SETD4: variants seen among roughly 807,000 people sequenced by gnomAD.
SETD4 encodes the protein SET domain containing 4, also known as SET domain-containing protein 4.
A neutral mutation model predicts 58.3 loss-of-function variants in SETD4; 46 were observed. That is an observed-to-expected ratio of 0.79 (90% confidence interval 0.62 to 1.01). The LOEUF (loss-of-function observed/expected upper bound fraction) is 1.01, where lower values mean the gene tolerates loss of function less well. SETD4 is among the 50% of genes least tolerant of loss of function. The pLI, the probability that SETD4 is intolerant of heterozygous loss-of-function variation, is 0.00. For synonymous variants in SETD4, 190 were observed against 202.6 expected (o/e 0.94, Z 0.53); for missense variants, 490 against 523.3 (o/e 0.94, Z 0.62).
intron 11 of SETD4, 31 bp from the exon 12 acceptor site, chr21:36,035,991 G>T: frequency 8.1e-7 from 1 of 1,233,100 alleles, no homozygotes; most frequent in Non-Finnish European, 1.2e-6. Flanking sequence ...AAAGGATTAA[G>T]TTCCTAATTG....
chr21:36,051,004 T>C lies in SETD4; in HGVS notation c.207+2579A>G. ...ATCCTGGGGATGGATGTGTGTGGCGTTGACCTGTTGATGAAAGATGGCAGC... is the reference window on the plus strand; with the variant it reads ...ATCCTGGGGATGGATGTGTGTGGCGCTGACCTGTTGATGAAAGATGGCAGC... On this transcript the variant is annotated intron_variant, in intron 4 of 11. Coordinates refer to ENST00000332131, the MANE Select transcript of SETD4 (RefSeq NM_017438.5). The C allele has an allele frequency of 1.9e-6, 3 of 1,583,372 alleles. No homozygotes were observed. In the Admixed American group the frequency reaches 5.0e-5, roughly 26 times the overall value.
At chr21:36,042,474 A>C (rs372496263) in intron 7 of SETD4, 1 of 152,242 alleles carries the variant, frequency 6.6e-6, no homozygotes, top group South Asian at 2.1e-4. Context: ...TATTAAATTT[A>C]TCAGGATTTT....
rs766125836 is a variant in SETD4 at position 36,036,146 on chromosome 21, G to A, written c.1294C>T (p.Leu432=). ...GTAAAAGCTGTTTGCAAACTGTGCA[G>A]GGTCTCGGCAGATGCCCTGAGAATC... ...LKILRASAET[L]HSLQTAFT Residue 432 remains leucine (L), a synonymous_variant, in exon 11 of 12, where the codon CTG becomes TTG. Coordinates refer to ENST00000332131, the MANE Select transcript of SETD4 (RefSeq NM_017438.5). 1 of 1,614,136 alleles carries A rather than the reference G, an allele frequency of 6.2e-7. No homozygotes were observed. Among genetic ancestry groups the A allele is most frequent in the South Asian group, 1.1e-5 (1 of 91,038 alleles).
chr21:36,048,449 T>C (rs990849341), intron 4 of SETD4, 53 bp from the exon 5 acceptor site: 3 of 1,509,016 alleles, frequency 2.0e-6, no homozygotes, highest in East Asian at 2.3e-5. Context: ...GAAGGACCCA[T>C]GAGTATGAGT....
intron 7 of SETD4, chr21:36,042,705 T>G (rs1266898665): frequency 1.3e-5 from 2 of 152,204 alleles, no homozygotes; most frequent in African/African-American, 2.4e-5. Flanking sequence ...GAAAACTGCT[T>G]CTCTACAGTT....
At chr21:36,042,187 T>C in intron 7 of SETD4, 1 of 185,428 alleles carries the variant, frequency 5.4e-6, no homozygotes, top group Non-Finnish European at 1.1e-5. Flanking sequence ...AGCATGACTG[T>C]TGAAAATTTA....
In SETD4 at chr21:36,043,802, G is replaced by T; in HGVS notation, c.881C>A (p.Ala294Asp). 1 of 1,614,164 alleles carries T rather than the reference G, an allele frequency of 6.2e-7. No homozygotes were observed. The highest frequency in any genetic ancestry group is 8.5e-7 in the Non-Finnish European group (1 of 1,180,026). ...CCAACCTCTTGAGACATAAACACAAGCATGAGGATTATGGACAGAAACAAA... is the reference window on the plus strand; with the variant it reads ...CCAACCTCTTGAGACATAAACACAATCATGAGGATTATGGACAGAAACAAA... ...YGFVSVHNPH[A>D]CVYVSREILV... The change falls in exon 7 of 12, where the codon GCT becomes GAT. Residue 294 changes from alanine (A) to aspartate (D), a missense_variant. Ala to Asp is a moderately radical substitution (Grantham distance 126). Transcript: ENST00000332131.
chr21:36,046,245 C>G (rs530892322), intron 5 of SETD4, among the ~76,000 whole-genome samples: 3 of 152,334 alleles, frequency 2.0e-5, no homozygotes, highest in East Asian at 3.9e-4. Flanking sequence ...AAAACTGACT[C>G]ACTAAGCCAA....
intron 1 of SETD4, chr21:36,060,128 C>A: frequency 1.0e-6 from 1 of 985,584 alleles, no homozygotes; most frequent in Non-Finnish European, 1.2e-6. Context: ...GGCTCCTCAG[C>A]TTTACGCAGC....
chr21:36,053,715 T>C, intron 3 of SETD4, 95 bp from the exon 4 acceptor site: 2 of 1,229,592 alleles, frequency 1.6e-6, no homozygotes, highest in South Asian at 2.5e-5. Flanking sequence ...AACTTCAAAA[T>C]TACACAAGGC....
chr21:36,040,528 T>C (rs2123540974), intron 9 of SETD4, 47 bp downstream of exon 9: 1 of 1,530,338 alleles, frequency 6.5e-7, no homozygotes, highest in East Asian at 2.3e-5. Context: ...TCCAAAGTTA[T>C]ATCTAGCCTG....
chr21:36,058,654 G>GT (rs1420004900), intron 2 of SETD4, among the ~76,000 whole-genome samples, 162 bp downstream of exon 2: 1 of 152,188 alleles, frequency 6.6e-6, no homozygotes, highest in Non-Finnish European at 1.5e-5. Flanking sequence ...GGAAGCAGAG[G>GT]TTGCAGTGAG....
intron 3 of SETD4, among the ~76,000 whole-genome samples, chr21:36,055,338 T>C (rs138298433): frequency 6.6e-6 from 1 of 152,226 alleles, no homozygotes; most frequent in Non-Finnish European, 1.5e-5. Context: ...ATATTGGATA[T>C]ACTAGGCAAA....
chr21:36,050,357 T>A lies in SETD4; in HGVS notation c.208-1961A>T, dbSNP rs2064596378. 5 of 1,613,250 alleles carry A rather than the reference T, an allele frequency of 3.1e-6. No homozygotes were observed. The South Asian group carries it at 4.4e-5, about 14-fold the overall frequency. On this transcript the variant is annotated intron_variant, in intron 4 of 11. Transcript: ENST00000332131. Reference sequence around the variant, plus strand: ...TGGACTTTAGGGCTGTGGTGATGGATGAGGTGGTGCTGACAATGGAGAAAG... The same window carrying A: ...TGGACTTTAGGGCTGTGGTGATGGAAGAGGTGGTGCTGACAATGGAGAAAG...
chr21:36,049,744 G>T (rs776406475), intron 4 of SETD4, among the ~76,000 whole-genome samples: 3 of 152,224 alleles, frequency 2.0e-5, no homozygotes, highest in Non-Finnish European at 2.9e-5. Flanking sequence ...ACTTCACTGT[G>T]CATTTCACTA....
rs202063062 is a variant in SETD4 at position 36,043,960 on chromosome 21, G to A, written c.727-4C>T. On this transcript the variant is annotated splice_polypyrimidine_tract_variant and splice_region_variant and intron_variant, in intron 6 of 11. Coordinates refer to ENST00000332131, the MANE Select transcript of SETD4 (RefSeq NM_017438.5). ...CTTCATTAAACGCTGCTTTTACCTA[G>A]AAAGAAAAACTGTTAAGGTATTTTT... 3.7e-6 allele frequency: 6 copies of A among 1,612,920 alleles called. No homozygotes were observed. In the African/African-American group the frequency reaches 6.7e-5, roughly 18 times the overall value.
chr21:36,043,998 T>C, intron 6 of SETD4, 42 bp from the exon 7 acceptor site: 1 of 1,596,360 alleles, frequency 6.3e-7, no homozygotes, highest in Non-Finnish European at 8.6e-7. Flanking sequence ...AAGTAAGGTG[T>C]AAAACTCCAA....
intron 8 of SETD4, 107 bp downstream of exon 8, chr21:36,041,700 C>T: frequency 1.4e-6 from 1 of 711,384 alleles, no homozygotes; most frequent in South Asian, 1.7e-5. Context: ...TACCCGTCAG[C>T]TGATACAGGG....
In SETD4 at chr21:36,045,699, G is replaced by A. The variant is rs79501672; in HGVS notation, c.609C>T (p.Thr203=). 25,613 of 1,614,130 alleles carry A rather than the reference G, an allele frequency of 0.016. 275 individuals carry two copies. The highest frequency in any genetic ancestry group is 0.02 in the Non-Finnish European group (23,193 of 1,180,016). Residue 203 remains threonine (T), a synonymous_variant, in exon 6 of 12, where the codon ACC becomes ACT. Coordinates refer to ENST00000332131, the MANE Select transcript of SETD4 (RefSeq NM_017438.5). ...SYSALLWAWC[T]VNTRAVYLRP... is the part of the protein sequence containing the mutation. ...TCAGGTACACGGCTCTGGTGTTGAC[G>A]GTGCACCAAGCCCACAGCAGGGCAC...
Sources: gnomAD v4.1 joint callset for allele counts (sites outside exome capture counted in the v4.1 genomes callset) on GRCh38, gnomAD v4.1.1 for gene constraint, MANE v1.5 for transcripts, NCBI Gene and HGNC (gene_info 2026-07-23, HGNC 2026-07-21) for gene names.